The following KCTD16 variants were observed in gnomAD, a reference collection of about 807,000 sequenced individuals.
The protein encoded by KCTD16 is BTB/POZ domain-containing protein KCTD16.
Under a neutral mutation model 33.2 loss-of-function variants are expected in KCTD16, and 13 were observed. The ratio of observed to expected loss-of-function variants is 0.39; its 90% CI spans 0.25 to 0.62. The LOEUF (loss-of-function observed/expected upper bound fraction) is 0.62, where lower values mean the gene tolerates loss of function less well. Among genes scored for constraint, KCTD16 ranks in the 20% least tolerant of loss-of-function variants. The pLI is 0.50. For synonymous variants in KCTD16, 197 were observed against 195.3 expected (o/e 1.01, Z -0.07); for missense variants, 441 against 525.1 (o/e 0.84, Z 1.57).
intron 3 of KCTD16, among the ~76,000 whole-genome samples, chr5:144,441,452 A>G (rs1753705625): frequency 6.6e-6 from 1 of 151,876 alleles, no homozygotes; most frequent in Admixed American, 6.6e-5. Flanking sequence ...TTATACTTTA[A>G]GTTTTGGGGT....
chr5:144,451,089 C>A (rs907767925), intron 3 of KCTD16, among the ~76,000 whole-genome samples: 3 of 152,016 alleles, frequency 2.0e-5, no homozygotes, highest in African/African-American at 7.2e-5. Context: ...CTTTTATATA[C>A]CAGTTATACT....
chr5:144,239,931 A>T (rs1159062217), intron 3 of KCTD16, among the ~76,000 whole-genome samples: 1 of 152,166 alleles, frequency 6.6e-6, no homozygotes, highest in African/African-American at 2.4e-5. Flanking sequence ...TAAAATGCAT[A>T]GTGTCAGCTT....
intron 3 of KCTD16, among the ~76,000 whole-genome samples, chr5:144,255,979 A>T (rs1195626735): frequency 6.6e-6 from 1 of 152,226 alleles, no homozygotes; most frequent in Non-Finnish European, 1.5e-5. Context: ...GAGCATACTG[A>T]GTCACTCAGA....
intron 3 of KCTD16, among the ~76,000 whole-genome samples, chr5:144,381,909 A>G (rs965572907): frequency 1.3e-5 from 2 of 152,212 alleles, no homozygotes; most frequent in African/African-American, 4.8e-5. Flanking sequence ...AATTCTTCTA[A>G]GAAGCCACAT....
intron 3 of KCTD16, among the ~76,000 whole-genome samples, chr5:144,463,764 G>C (rs1419845259): frequency 1.3e-5 from 2 of 151,956 alleles, no homozygotes; most frequent in Admixed American, 1.3e-4. Flanking sequence ...TGATTCATAG[G>C]GACATTATAA....
intron 2 of KCTD16, among the ~76,000 whole-genome samples, chr5:144,191,681 C>T: frequency 6.6e-6 from 1 of 152,076 alleles, no homozygotes; most frequent in South Asian, 2.1e-4. Context: ...GGGTGTTTAC[C>T]AGCTTTTGCC....
intron 3 of KCTD16, among the ~76,000 whole-genome samples, chr5:144,264,462 C>T (rs1321685844): frequency 6.6e-6 from 1 of 152,044 alleles, no homozygotes; most frequent in Non-Finnish European, 1.5e-5. Flanking sequence ...AAATTAGAAA[C>T]AATGAACAGG....
Position 144,474,206 on chromosome 5 carries a change from T to A in KCTD16, c.*92T>A. 1.0e-6 allele frequency: 1 copy of A among 959,190 alleles called. No homozygotes were observed. Among genetic ancestry groups the A allele is most frequent in the Non-Finnish European group, 1.5e-6 (1 of 646,122 alleles). The allele number at this position is 959,190 out of a possible 1,614,324, so 59.4% of individuals were successfully genotyped here. A position where few individuals can be genotyped will look rare whatever the true frequency, so the allele number is the denominator to read the frequency against. On this transcript the variant is annotated 3_prime_UTR_variant, in exon 4 of 4. Coordinates refer to ENST00000512467, the MANE Select transcript of KCTD16 (RefSeq NM_020768.4). ...ATATTTTAAAGGAAAAAAATACAACTAATGATGCACATTTCTTAGAACACA... is the reference window on the plus strand; with the variant it reads ...ATATTTTAAAGGAAAAAAATACAACAAATGATGCACATTTCTTAGAACACA...
At chr5:144,202,835 T>G (rs1291425839) in intron 2 of KCTD16, among the ~76,000 whole-genome samples, 1 of 152,202 alleles carries the variant, frequency 6.6e-6, no homozygotes, top group Non-Finnish European at 1.5e-5. Context: ...AGATTAAGGT[T>G]GTCTGGTGAA....
At chr5:144,234,492 T>G (rs929364764) in intron 3 of KCTD16, among the ~76,000 whole-genome samples, 22 of 152,128 alleles carry the variant, frequency 1.4e-4, no homozygotes, top group African/African-American at 5.3e-4. Flanking sequence ...TGTAAGCAAT[T>G]TCACTCAAAT....
intron 2 of KCTD16, among the ~76,000 whole-genome samples, chr5:144,204,217 ATTC>A (rs1337861259): frequency 6.6e-6 from 1 of 152,220 alleles, no homozygotes; most frequent in Non-Finnish European, 1.5e-5. Context: ...AATGTATATA[ATTC>A]CTAAGTTCAC....
chr5:144,299,078 G>A (rs1037756079), intron 3 of KCTD16, among the ~76,000 whole-genome samples: 112 of 16,778 alleles, frequency 6.7e-3, no homozygotes, highest in Middle Eastern at 0.045. Context: ...ATATATTTTT[G>A]TATATATATA....
At chr5:144,255,830 C>T (rs1754830495) in intron 3 of KCTD16, among the ~76,000 whole-genome samples, 1 of 152,148 alleles carries the variant, frequency 6.6e-6, no homozygotes, top group Admixed American at 6.5e-5. Context: ...ACATAATCAT[C>T]AGATTTTAGA....
At chr5:144,254,328 A>G (rs1247917744) in intron 3 of KCTD16, among the ~76,000 whole-genome samples, 1 of 147,290 alleles carries the variant, frequency 6.8e-6, no homozygotes, top group Non-Finnish European at 1.5e-5. Context: ...TTTTTTAGTT[A>G]GAGATGGGGT....
Position 144,236,257 on chromosome 5 carries a change from T to C in KCTD16, c.832+28711T>C, listed in dbSNP as rs1399639820. Among the ~76,000 whole-genome samples, 3 of 152,108 alleles carry C rather than the reference T, an allele frequency of 2.0e-5. 1 individual carries two copies. Among genetic ancestry groups the C allele is most frequent in the Non-Finnish European group, 4.4e-5 (3 of 68,010 alleles). ...AGAGGGAGAAGTAAATTCTAACTAC[T>C]GGATAACATTAGGAAAAGCTCTGAA... On this transcript the variant is annotated intron_variant, in intron 3 of 3. Coordinates refer to ENST00000512467, the MANE Select transcript of KCTD16 (RefSeq NM_020768.4).
chr5:144,247,016 A>G (rs1754568582), intron 3 of KCTD16, among the ~76,000 whole-genome samples: 1 of 152,208 alleles, frequency 6.6e-6, no homozygotes, highest in Non-Finnish European at 1.5e-5. Flanking sequence ...AGATAATGGC[A>G]TTTCTCAGGG....
intron 3 of KCTD16, among the ~76,000 whole-genome samples, chr5:144,324,524 T>C (rs540959618): frequency 5.3e-5 from 8 of 152,234 alleles, no homozygotes; most frequent in African/African-American, 1.9e-4. Flanking sequence ...GTGGCATACC[T>C]CAAAGACCTA....
intron 3 of KCTD16, among the ~76,000 whole-genome samples, chr5:144,404,050 G>A (rs886309088): frequency 3.9e-5 from 6 of 152,158 alleles, no homozygotes; most frequent in Non-Finnish European, 8.8e-5. Context: ...GAAGGGTGGA[G>A]CGTAGAACTC....
At chr5:144,302,638 A>G (rs1751473300) in intron 3 of KCTD16, among the ~76,000 whole-genome samples, 4 of 152,296 alleles carry the variant, frequency 2.6e-5, no homozygotes, top group Admixed American at 2.6e-4. Context: ...CTGAATACTT[A>G]TTATCGTACG....
Sources: gnomAD v4.1 joint callset for allele counts (sites outside exome capture counted in the v4.1 genomes callset) on GRCh38, gnomAD v4.1.1 for gene constraint, MANE v1.5 for transcripts, NCBI Gene and HGNC (gene_info 2026-07-23, HGNC 2026-07-21) for gene names.